Variants in MGLL observed in about 807,000 individuals in gnomAD.
MGLL encodes the protein lysophospholipase homolog.
Under a neutral mutation model 29.1 loss-of-function variants are expected in MGLL, and 7 were observed. The ratio of observed to expected loss-of-function variants is 0.24; its 90% CI spans 0.14 to 0.45. MGLL has a LOEUF of 0.45. Ranked by LOEUF, MGLL falls within the 20% of genes least tolerant of loss-of-function variation. MGLL has a pLI of 0.99. For synonymous variants in MGLL, 148 were observed against 168.3 expected, an observed-to-expected ratio of 0.88 and a Z score of 0.93; for missense variants, 356 against 413.6, an observed-to-expected ratio of 0.86 and a Z score of 1.21.
intron 2 of MGLL, among the ~76,000 whole-genome samples, chr3:127,804,534 A>G (rs773857830): frequency 6.6e-6 from 1 of 152,206 alleles, no homozygotes; most frequent in Non-Finnish European, 1.5e-5. Context: ...TCAAACTATA[A>G]TAGATCATCT....
intron 3 of MGLL, 30 bp downstream of exon 3, chr3:127,781,759 C>A: frequency 6.3e-7 from 1 of 1,596,522 alleles, no homozygotes; most frequent in Non-Finnish European, 8.6e-7. Context: ...CAGGGCCCAG[C>A]CAGCTCTGAC....
intron 2 of MGLL, among the ~76,000 whole-genome samples, chr3:127,805,133 T>G (rs548826285): frequency 6.6e-6 from 1 of 152,370 alleles, no homozygotes; most frequent in Admixed American, 6.5e-5. Context: ...TTTCCTGATC[T>G]TCTATAAGAA....
chr3:127,822,527 C>A (rs1366310690), upstream of MGLL: 1 of 606,378 alleles, frequency 1.6e-6, no homozygotes, highest in East Asian at 2.8e-5. Context: ...GGGCTCCCCT[C>A]CCTCCCCAGG....
chr3:127,819,960 G>C (rs1051049192), intron 2 of MGLL, among the ~76,000 whole-genome samples: 9 of 152,172 alleles, frequency 5.9e-5, no homozygotes, highest in Non-Finnish European at 1.3e-4. Context: ...GGGCAGGACA[G>C]GTAGGTAGGA....
At chr3:127,780,548 G>A (rs192673053) in intron 3 of MGLL, among the ~76,000 whole-genome samples, 8 of 152,322 alleles carry the variant, frequency 5.3e-5, no homozygotes, top group East Asian at 1.9e-4. Context: ...ACTAAAGAAC[G>A]TCACAACTAT....
At chr3:127,757,330 C>T (rs369697218) in intron 3 of MGLL, among the ~76,000 whole-genome samples, 3 of 151,280 alleles carry the variant, frequency 2.0e-5, no homozygotes, top group Admixed American at 1.3e-4. Context: ...AGCATTATTG[C>T]AGTAACTACT....
chr3:127,694,991 T>C lies in MGLL; in HGVS notation c.800A>G (p.Gln267Arg), dbSNP rs2075329621. The C allele has an allele frequency of 5.6e-6, 9 of 1,613,958 alleles. No individual in the cohort carries two copies. The highest frequency in any genetic ancestry group is 7.6e-6 in the Non-Finnish European group (9 of 1,180,000). The change falls in exon 7 of 8, where the codon CAG becomes CGG. Residue 267 changes from glutamine to arginine, a missense_variant. Gln to Arg is a conservative substitution (Grantham distance 43, BLOSUM62 1). Transcript: ENST00000265052. ...AYLLMELAKS[Q>R]DKTLKIYEGA... ...GCCGCTCACCTTGAGAGTCTTGTCC[T>C]GGCTCTTGGCTAACTCCATGAGCAG...
intron 2 of MGLL, among the ~76,000 whole-genome samples, chr3:127,783,304 C>T (rs1263514891): frequency 6.6e-6 from 1 of 152,210 alleles, no homozygotes; most frequent in Non-Finnish European, 1.5e-5. Context: ...ACAGACGCTG[C>T]CTCGGCGGAG....
At chr3:127,717,206 C>A (rs1226317716) in intron 5 of MGLL, among the ~76,000 whole-genome samples, 1 of 152,188 alleles carries the variant, frequency 6.6e-6, no homozygotes, top group Non-Finnish European at 1.5e-5. Flanking sequence ...AAAGAGTGGC[C>A]ATGTTCCACT....
intron 2 of MGLL, among the ~76,000 whole-genome samples, chr3:127,782,601 A>G (rs2077146725): frequency 6.6e-6 from 1 of 152,218 alleles, no homozygotes; most frequent in African/African-American, 2.4e-5. Context: ...TCGGGGGCGA[A>G]TGTGGCAGCA....
chr3:127,728,818 A>G (rs1339972632), intron 3 of MGLL, among the ~76,000 whole-genome samples: 1 of 152,178 alleles, frequency 6.6e-6, no homozygotes, highest in Admixed American at 6.5e-5. Context: ...TCCATGTGGG[A>G]GTGTCACCTT....
intron 5 of MGLL, chr3:127,713,124 G>A (rs2075750723): frequency 6.6e-6 from 1 of 152,216 alleles, no homozygotes; most frequent in African/African-American, 2.4e-5. Flanking sequence ...CCACAGTTAT[G>A]AAGAACTCAC....
At chr3:127,794,406 C>CAAACTGTCTTCTATGATGTG in intron 2 of MGLL, among the ~76,000 whole-genome samples, 1 of 152,080 alleles carries the variant, frequency 6.6e-6, no homozygotes, top group African/African-American at 2.4e-5. Flanking sequence ...ATTATGATGC[C>CAAACTGTCTTCTATGATGTG]AAACTGTCTT....
At chr3:127,696,114 G>A (rs372174264) in intron 6 of MGLL, among the ~76,000 whole-genome samples, 19 of 152,162 alleles carry the variant, frequency 1.2e-4, no homozygotes, top group Admixed American at 1.1e-3. Flanking sequence ...GTGGTCAGAC[G>A]CCCTGACAGG....
intron 2 of MGLL, among the ~76,000 whole-genome samples, chr3:127,811,743 A>G (rs1195474515): frequency 6.6e-6 from 1 of 152,248 alleles, no homozygotes; most frequent in African/African-American, 2.4e-5. Flanking sequence ...CAGTCTGAGA[A>G]AGCATGATAA....
At chr3:127,715,691 G>T (rs1464637401) in intron 5 of MGLL, 4 of 456,726 alleles carry the variant, frequency 8.8e-6, no homozygotes, top group Admixed American at 4.7e-5. Context: ...CATTGAGGCG[G>T]CATGACGAGG....
At chr3:127,746,432 G>A (rs971643371) in intron 3 of MGLL, among the ~76,000 whole-genome samples, 2 of 151,998 alleles carry the variant, frequency 1.3e-5, no homozygotes, top group African/African-American at 4.8e-5. Context: ...ACCCTGCCAC[G>A]ATCTTCCCTT....
At chr3:127,710,392 A>T (rs1281270078) in intron 6 of MGLL, among the ~76,000 whole-genome samples, 184 bp downstream of exon 6, 1 of 152,218 alleles carries the variant, frequency 6.6e-6, no homozygotes, top group East Asian at 1.9e-4. Flanking sequence ...CAGGCATCAT[A>T]GCCAACCCAC....
rs536136400 is a variant in MGLL, at chr3:127,732,114, T to C, written c.263-9548A>G. Among the ~76,000 whole-genome samples the C allele has an allele frequency of 1.1e-4, 17 of 152,330 alleles. No homozygotes were observed. In the South Asian group the frequency reaches 3.1e-3, roughly 28 times the overall value. Reference sequence around the variant, plus strand: ...AGAGCCAGCCTCCCCCTTCCCTTTTTTCAGGGAACCAGGCTTTCTTAGCAT... The same window carrying C: ...AGAGCCAGCCTCCCCCTTCCCTTTTCTCAGGGAACCAGGCTTTCTTAGCAT... On this transcript the variant is annotated intron_variant, in intron 3 of 7. Coordinates refer to ENST00000265052, the MANE Select transcript of MGLL (RefSeq NM_007283.7).
Sources: gnomAD v4.1 joint callset for allele counts (sites outside exome capture counted in the v4.1 genomes callset) on GRCh38, gnomAD v4.1.1 for gene constraint, MANE v1.5 for transcripts, NCBI Gene and HGNC (gene_info 2026-07-23, HGNC 2026-07-21) for gene names.